TXNRD3: variants seen among roughly 807,000 people sequenced by gnomAD.
The protein encoded by TXNRD3 is TXNRD3 neighbor gene protein.
In TXNRD3, 68 loss-of-function variants were observed where a neutral mutation model predicts 78.2. That is an observed-to-expected ratio of 0.87 (90% CI 0.72 to 1.06). The LOEUF (loss-of-function observed/expected upper bound fraction) is 1.06. Among genes scored for constraint, TXNRD3 ranks in the 50% least tolerant of loss-of-function variants. The probability of loss-of-function intolerance (pLI) is 0.00; values close to 1 mark genes in which losing one functional copy is unlikely to be tolerated. For synonymous variants in TXNRD3, 296 were observed against 300.1 expected, an observed-to-expected ratio of 0.99 and a Z score of 0.14; for missense variants, 751 against 809.5, an observed-to-expected ratio of 0.93 and a Z score of 0.88.
At chr3:126,643,245 G>T (rs1202568076) in intron 5 of TXNRD3, among the ~76,000 whole-genome samples, 2 of 152,218 alleles carry the variant, frequency 1.3e-5, no homozygotes, top group Non-Finnish European at 2.9e-5. Context: ...CAGTCTTATG[G>T]AGCGTACAGC....
intron 8 of TXNRD3, 116 bp downstream of exon 8, chr3:126,631,648 A>G (rs1482539834): frequency 2.8e-6 from 2 of 702,014 alleles, no homozygotes; most frequent in African/African-American, 3.6e-5. Context: ...TGCATTGTAT[A>G]TATTTTCATT....
At chr3:126,639,507 A>G (rs1019704598) in intron 6 of TXNRD3, among the ~76,000 whole-genome samples, 4 of 152,160 alleles carry the variant, frequency 2.6e-5, no homozygotes, top group Non-Finnish European at 5.9e-5. Flanking sequence ...AAACTCTACC[A>G]GGATGTTCCC....
At chr3:126,614,529 T>C (rs914109610) in intron 13 of TXNRD3, among the ~76,000 whole-genome samples, 2 of 152,226 alleles carry the variant, frequency 1.3e-5, no homozygotes, top group Admixed American at 6.5e-5. Flanking sequence ...CTTATTATTA[T>C]ATAAACAGTT....
intron 12 of TXNRD3, 26 bp from the exon 13 acceptor site, chr3:126,615,488 C>T: frequency 8.0e-7 from 1 of 1,255,674 alleles, no homozygotes; most frequent in African/African-American, 1.5e-5. Flanking sequence ...ATTACATTGT[C>T]TTATTTTGTG....
At chr3:126,614,653 TAGG>T (rs1241283577) in intron 13 of TXNRD3, among the ~76,000 whole-genome samples, 1 of 152,196 alleles carries the variant, frequency 6.6e-6, no homozygotes, top group Non-Finnish European at 1.5e-5. Flanking sequence ...GAAATTTAAA[TAGG>T]AGTTTCTTAA....
intron 6 of TXNRD3, among the ~76,000 whole-genome samples, chr3:126,640,280 A>ATTTTT (rs1417713280): frequency 2.5e-5 from 1 of 40,734 alleles, no homozygotes; most frequent in African/African-American, 5.5e-5. Flanking sequence ...AATTTTTTGT[A>ATTTTT]TTTTTTTTAG....
At chr3:126,621,937 C>T (rs1197215464) in intron 11 of TXNRD3, 39 bp from the exon 12 acceptor site, 5 of 1,455,606 alleles carry the variant, frequency 3.4e-6, no homozygotes, top group Non-Finnish European at 4.5e-6. Context: ...TATATTACAA[C>T]TCACTCTACA....
At chr3:126,654,653 C>T in intron 1 of TXNRD3, 95 bp downstream of exon 1, 3 of 788,064 alleles carry the variant, frequency 3.8e-6, no homozygotes, top group Non-Finnish European at 4.9e-6. Flanking sequence ...AGCCCGGGAC[C>T]CGCGGGCGCC....
chr3:126,654,774 T>G lies in TXNRD3; in HGVS notation c.217A>C (p.Lys73Gln). Reference sequence around the variant, plus strand: ...CGAGTACTATGGGGACAGTAGCTCTTGCTGAAGATCACCACCCGGCTGCGC... The same window carrying G: ...CGAGTACTATGGGGACAGTAGCTCTGGCTGAAGATCACCACCCGGCTGCGC... Residue 73 changes from lysine to glutamine, a missense_variant, in exon 1 of 16, where the codon AAG becomes CAG. Coordinates refer to ENST00000524230, the MANE Select transcript of TXNRD3 (RefSeq NM_052883.3). The G allele has an allele frequency of 7.0e-7, 1 of 1,426,410 alleles. No individual in the cohort carries two copies. The highest frequency in any genetic ancestry group is 9.2e-7 in the Non-Finnish European group (1 of 1,090,616). 88.4% of individuals were successfully genotyped at this position (1,426,410 alleles called of 1,614,324 possible).
At chr3:126,647,361 T>G in intron 1 of TXNRD3, 65 bp from the exon 2 acceptor site, 9 of 1,076,216 alleles carry the variant, frequency 8.4e-6, no homozygotes, top group African/African-American at 1.6e-5. Context: ...AATATGAACA[T>G]AGTAATGAGA....
intron 12 of TXNRD3, among the ~76,000 whole-genome samples, chr3:126,619,487 C>T (rs1319420097): frequency 6.6e-6 from 1 of 152,236 alleles, no homozygotes; most frequent in East Asian, 1.9e-4. Context: ...TGTTCTCACT[C>T]ATATGTGGGA....
chr3:126,636,688 G>T (rs923846364), intron 6 of TXNRD3, among the ~76,000 whole-genome samples: 41 of 152,154 alleles, frequency 2.7e-4, no homozygotes, highest in Non-Finnish European at 1.9e-4. Flanking sequence ...GCCAATGCTT[G>T]CCCTAGAGTT....
Position 126,642,141 on chromosome 3 carries a change from G to A in TXNRD3, c.603C>T (p.Gly201=), listed in dbSNP as rs1382582592. 1 of 1,535,102 alleles carries A rather than the reference G, an allele frequency of 6.5e-7. No individual in the cohort carries two copies. The highest frequency in any genetic ancestry group is 8.7e-7 in the Non-Finnish European group (1 of 1,146,520). ...GAATACAACCTACATTTACACAAGT[G>A]CCACCAAGACCTGAGGAAGAAAATA... Residue 201 remains glycine, a synonymous_variant, in exon 6 of 16, where the codon GGC becomes GGT. Coordinates refer to ENST00000524230, the MANE Select transcript of TXNRD3 (RefSeq NM_052883.3).
chr3:126,640,873 A>G (rs1933060573), intron 6 of TXNRD3, among the ~76,000 whole-genome samples: 1 of 152,134 alleles, frequency 6.6e-6, no homozygotes, highest in Admixed American at 6.5e-5. Flanking sequence ...GTGTAAAAAA[A>G]AAAAAAAAAC....
intron 7 of TXNRD3, 57 bp downstream of exon 7, chr3:126,633,852 C>T: frequency 7.3e-7 from 1 of 1,365,756 alleles, no homozygotes; most frequent in Non-Finnish European, 9.5e-7. Flanking sequence ...TAGTTGAAGG[C>T]AAGTATAAAC....
chr3:126,629,096 G>C (rs192931075), intron 10 of TXNRD3, among the ~76,000 whole-genome samples: 5 of 151,994 alleles, frequency 3.3e-5, no homozygotes, highest in Admixed American at 3.3e-4. Context: ...TTCAAATTAA[G>C]AAATGTATAA....
intron 10 of TXNRD3, among the ~76,000 whole-genome samples, chr3:126,624,609 G>A (rs1319919902): frequency 6.6e-6 from 1 of 152,086 alleles, no homozygotes; most frequent in African/African-American, 2.4e-5. Flanking sequence ...TTTCAGTAGA[G>A]ACGGGGTTTC....
intron 6 of TXNRD3, among the ~76,000 whole-genome samples, chr3:126,641,236 G>T (rs772858671): frequency 7.2e-5 from 11 of 151,974 alleles, no homozygotes; most frequent in Non-Finnish European, 1.2e-4. Flanking sequence ...TTTTCTGCTT[G>T]CTACTTAGCT....
chr3:126,617,011 A>G (rs1938333691), intron 12 of TXNRD3, among the ~76,000 whole-genome samples: 1 of 152,122 alleles, frequency 6.6e-6, no homozygotes, highest in Non-Finnish European at 1.5e-5. Context: ...CGATCCATTT[A>G]TTGACTGGCA....
Sources: allele counts gnomAD v4.1 joint callset (sites outside exome capture counted in the v4.1 genomes callset), GRCh38; gene constraint gnomAD v4.1.1; transcripts MANE v1.5; gene names NCBI Gene and HGNC (gene_info 2026-07-23, HGNC 2026-07-21).